The following TEKT5 variants were observed in gnomAD, a reference collection of about 807,000 sequenced individuals.
TEKT5 encodes the protein tektin 5, also known as tektin-5.
A neutral mutation model predicts 48.7 loss-of-function variants in TEKT5; 52 were observed. The observed-to-expected ratio is 1.07, with a 90% CI of 0.86 to 1.35. The LOEUF is 1.35. Ranked by LOEUF, TEKT5 falls within the 40% of genes most tolerant of loss-of-function variation. TEKT5 has a pLI of 0.00. For synonymous variants in TEKT5, 318 were observed against 267.6 expected (o/e 1.19, Z -1.84); for missense variants, 831 against 641.6 (o/e 1.30, Z -3.19).
intron 5 of TEKT5, among the ~76,000 whole-genome samples, chr16:10,669,874 A>G (rs2094994293): frequency 6.6e-6 from 1 of 152,140 alleles, no homozygotes; most frequent in Admixed American, 6.5e-5. Flanking sequence ...GTGGCCACCA[A>G]CTTCTTTAGT....
rs142860936 is a variant in TEKT5, at chr16:10,634,417, G to A, written c.1241+1347C>T. On this transcript the variant is annotated intron_variant, in intron 6 of 6. Coordinates refer to ENST00000283025, the MANE Select transcript of TEKT5 (RefSeq NM_144674.2). ...AAGAAGTACTGCTATGAAACCCGGT[G>A]AGCACAGCCCTGGGCACAGTGAATG... 1.3e-3 allele frequency among the ~76,000 whole-genome samples: 195 copies of A among 152,260 alleles called. 1 individual carries two copies. The highest frequency in any genetic ancestry group is 4.3e-3 in the African/African-American group (178 of 41,516).
At chr16:10,667,124 C>G (rs147617370) in intron 5 of TEKT5, among the ~76,000 whole-genome samples, 1 of 151,996 alleles carries the variant, frequency 6.6e-6, no homozygotes, top group South Asian at 2.1e-4. Context: ...GCTGGGACTA[C>G]AGGCGCATGC....
intron 1 of TEKT5, chr16:10,690,867 T>C (rs1898960846): frequency 1.2e-6 from 1 of 814,422 alleles, no homozygotes; most frequent in Admixed American, 6.2e-5. Context: ...GATGTCAGGA[T>C]GCAAATGTAT....
intron 4 of TEKT5, among the ~76,000 whole-genome samples, chr16:10,679,694 A>C (rs1898710583): frequency 6.6e-6 from 1 of 152,064 alleles, no homozygotes; most frequent in South Asian, 2.1e-4. Context: ...CAGGAGTTTG[A>C]GACCAGCCTG....
At chr16:10,655,607 G>C (rs1017687027) in intron 5 of TEKT5, among the ~76,000 whole-genome samples, 1 of 152,152 alleles carries the variant, frequency 6.6e-6, no homozygotes. Flanking sequence ...CTCCCTTGTA[G>C]CTCCAGGCCA....
rs1898990458 is a variant in TEKT5, at chr16:10,692,090, G to T, written c.565-2065C>A. Among the ~76,000 whole-genome samples, 3 of 152,136 alleles carry T rather than the reference G, an allele frequency of 2.0e-5. No homozygotes were observed. In the South Asian group the frequency reaches 6.2e-4, roughly 32 times the overall value. On this transcript the variant is annotated intron_variant, in intron 1 of 6. Transcript: ENST00000283025. ...CGCAGGGAGAGGCTGCCTGGATTGT[G>T]GGGGCAGCCTAGGAGATAGAATTGA... is the stretch of plus-strand genomic sequence containing the variant.
chr16:10,663,660 T>G lies in TEKT5; in HGVS notation c.1086+12299A>C, dbSNP rs141662775. 6.2e-3 allele frequency among the ~76,000 whole-genome samples: 946 copies of G among 152,294 alleles called. 13 individuals are homozygous for G. The highest frequency in any genetic ancestry group is 0.02 in the Middle Eastern group (6 of 294). Reference sequence around the variant, plus strand: ...TCTCAACCCTTGGCACTCTTGACATTTGAGCCCAGATATATCTCAGCTGTG... The same window carrying G: ...TCTCAACCCTTGGCACTCTTGACATGTGAGCCCAGATATATCTCAGCTGTG... On this transcript the variant is annotated intron_variant, in intron 5 of 6. Coordinates refer to ENST00000283025, the MANE Select transcript of TEKT5 (RefSeq NM_144674.2).
chr16:10,675,265 G>A (rs537380536), intron 5 of TEKT5, among the ~76,000 whole-genome samples: 10 of 152,240 alleles, frequency 6.6e-5, no homozygotes, highest in South Asian at 2.1e-4. Flanking sequence ...AGAGGCCAGC[G>A]CCCATGTTTA....
chr16:10,662,516 G>C (rs962227663), intron 5 of TEKT5, among the ~76,000 whole-genome samples: 5 of 152,184 alleles, frequency 3.3e-5, no homozygotes, highest in African/African-American at 1.2e-4. Context: ...ACTTTGTTCT[G>C]CACGTAGCCC....
chr16:10,668,938 G>C (rs1004194398), intron 5 of TEKT5, among the ~76,000 whole-genome samples: 3 of 152,208 alleles, frequency 2.0e-5, no homozygotes, highest in African/African-American at 7.2e-5. Flanking sequence ...GACCCAAAGA[G>C]AGGCAGCAGC....
chr16:10,661,734 A>C (rs1412175440), intron 5 of TEKT5, among the ~76,000 whole-genome samples: 1 of 152,218 alleles, frequency 6.6e-6, no homozygotes, highest in Non-Finnish European at 1.5e-5. Context: ...CCTCACTACA[A>C]TCCAGAGGAA....
chr16:10,672,848 G>GT (rs537879870), intron 5 of TEKT5, among the ~76,000 whole-genome samples: 3,565 of 146,984 alleles, frequency 0.024, 125 homozygotes, highest in African/African-American at 0.08. Flanking sequence ...TTTTGTTTTT[G>GT]TTTTTTTTTG....
rs773351217 is a variant in TEKT5, at chr16:10,694,438, A to G, written c.436T>C (p.Ser146Pro). Reference sequence around the variant, plus strand: ...TCTGACTTCCAGAAGCCAATGTCCGACAGCCTCTGGCCCAGGTTCCGGCAG... The same window carrying G: ...TCTGACTTCCAGAAGCCAATGTCCGGCAGCCTCTGGCCCAGGTTCCGGCAG... ...GTCRNLGQRLSDIGFWKSELS... is the reference protein window; with the variant it reads ...GTCRNLGQRLPDIGFWKSELS... The change falls in exon 1 of 7, where the codon TCG (serine) becomes CCG (proline). Residue 146 changes from serine to proline, a missense_variant. Transcript: ENST00000283025. 1 of 1,613,988 alleles carries G rather than the reference A, an allele frequency of 6.2e-7. No individual in the cohort carries two copies. Among genetic ancestry groups the G allele is most frequent in the Non-Finnish European group, 8.5e-7 (1 of 1,180,008 alleles).
intron 5 of TEKT5, among the ~76,000 whole-genome samples, chr16:10,653,744 C>A (rs1898209943): frequency 6.6e-6 from 1 of 152,132 alleles, no homozygotes; most frequent in Admixed American, 6.5e-5. Context: ...GAAACCCCGT[C>A]TCTACTAAAA....
intron 4 of TEKT5, 69 bp downstream of exon 4, chr16:10,681,924 T>C: frequency 1.3e-6 from 2 of 1,568,994 alleles, no homozygotes; most frequent in African/African-American, 1.3e-5. Context: ...TCGCCATTCG[T>C]TGGCAGGAGC....
chr16:10,673,454 G>C (rs983334574), intron 5 of TEKT5, among the ~76,000 whole-genome samples: 1 of 152,092 alleles, frequency 6.6e-6, no homozygotes, highest in African/African-American at 2.4e-5. Context: ...CCCTGTCCTA[G>C]AGGATTAGTA....
At chr16:10,637,444 G>C (rs1360932612) in intron 5 of TEKT5, among the ~76,000 whole-genome samples, 1 of 151,778 alleles carries the variant, frequency 6.6e-6, no homozygotes, top group Non-Finnish European at 1.5e-5. Context: ...GGGAGGGGAG[G>C]AGGAAGGAGG....
In TEKT5 at chr16:10,679,422, G is replaced by A. The variant is rs1305290918; in HGVS notation, c.863+2571C>T. 4.7e-5 allele frequency among the ~76,000 whole-genome samples: 7 copies of A among 148,060 alleles called. No homozygotes were observed. In the East Asian group the frequency reaches 6.0e-4, roughly 13 times the overall value. On this transcript the variant is annotated intron_variant, in intron 4 of 6. Coordinates refer to ENST00000283025, the MANE Select transcript of TEKT5 (RefSeq NM_144674.2). ...CAGTGAGCCGAGATTGTGCCACTGC[G>A]CTCTGGCCTGGTGACAGAGCGAGAC... is the stretch of plus-strand genomic sequence containing the variant.
intron 5 of TEKT5, among the ~76,000 whole-genome samples, chr16:10,637,786 T>C (rs1356693081): frequency 6.6e-6 from 1 of 152,190 alleles, no homozygotes; most frequent in Non-Finnish European, 1.5e-5. Flanking sequence ...ATGTCAACAT[T>C]TGTGTTGGGT....
Sources: gnomAD v4.1 joint callset for allele counts (sites outside exome capture counted in the v4.1 genomes callset) on GRCh38, gnomAD v4.1.1 for gene constraint, MANE v1.5 for transcripts, NCBI Gene and HGNC (gene_info 2026-07-23, HGNC 2026-07-21) for gene names.